Variants in CACUL1 observed in about 807,000 individuals in gnomAD.
CACUL1 encodes the protein CDK2-associated and cullin domain-containing protein 1.
CACUL1 carries 13 observed loss-of-function variants against 45.2 expected under a neutral mutation model. The observed-to-expected ratio is 0.29, with a 90% CI of 0.19 to 0.46. CACUL1 has a LOEUF of 0.46. CACUL1 is among the 20% of genes least tolerant of loss of function. CACUL1 has a pLI of 1.00. For synonymous variants in CACUL1, 197 were observed against 174.2 expected (o/e 1.13, Z -1.03); for missense variants, 421 against 471.4 (o/e 0.89, Z 0.99).
At chr10:118,726,378 C>G in intron 3 of CACUL1, 2 of 1,242,104 alleles carry the variant, frequency 1.6e-6, no homozygotes, top group Non-Finnish European at 2.1e-6. Context: ...AGCCAGAACA[C>G]ATCTGCTGAG....
At chr10:118,722,320 T>G (rs1288053991) in intron 3 of CACUL1, among the ~76,000 whole-genome samples, 1 of 152,020 alleles carries the variant, frequency 6.6e-6, no homozygotes, top group Non-Finnish European at 1.5e-5. Flanking sequence ...TCTCCCGACC[T>G]CAGGTGATCT....
rs1845378959 is a variant in CACUL1, at chr10:118,701,400, A to G, written c.702T>C (p.Phe234=). The change falls in exon 5 of 9, where the codon TTT becomes TTC. Residue 234 remains phenylalanine, a synonymous_variant. Transcript: ENST00000369151. Reference sequence around the variant, plus strand: ...CTCTGTTAAGCTTGGTTTCGATGTAAAACTTATTCTGAAAAATAAAATAAA... The same window carrying G: ...CTCTGTTAAGCTTGGTTTCGATGTAGAACTTATTCTGAAAAATAAAATAAA... The part of the protein sequence containing the change: ...IVPLFIYMNK[F]YIETKLNRDL... The G allele has an allele frequency of 6.5e-7, 1 of 1,532,512 alleles. No homozygotes were observed. The highest frequency in any genetic ancestry group is 1.2e-5 in the South Asian group (1 of 81,472). The allele number at this position is 1,532,512 out of a possible 1,614,324, so 94.9% of individuals were successfully genotyped here.
At position 118,724,376 on chromosome 10, in the gene CACUL1, A is replaced by AT. The variant is rs3215812; in HGVS notation, c.597+4918dup. Among the ~76,000 whole-genome samples, 790 of 152,130 alleles carry AT rather than the reference A, an allele frequency of 5.2e-3. 7 individuals carry two copies. In the East Asian group the frequency reaches 0.059, roughly 11 times the overall value. On this transcript the variant is annotated intron_variant, in intron 3 of 8. Coordinates refer to ENST00000369151, the MANE Select transcript of CACUL1 (RefSeq NM_153810.5). Reference sequence around the variant, plus strand: ...TTCACTTTGTTAGTCCTGTGGTCTGATTTTTGTAATTGCTCTCAGCAGGGG... The same window carrying AT: ...TTCACTTTGTTAGTCCTGTGGTCTGATTTTTTGTAATTGCTCTCAGCAGGGG...
intron 1 of CACUL1, among the ~76,000 whole-genome samples, chr10:118,736,702 A>C (rs992229513): frequency 2.0e-5 from 3 of 152,152 alleles, no homozygotes; most frequent in African/African-American, 7.2e-5. Context: ...TAAAGTCTAG[A>C]GCAATATACA....
intron 3 of CACUL1, among the ~76,000 whole-genome samples, chr10:118,720,137 ACTTC>A (rs1404586416): frequency 3.9e-5 from 6 of 152,200 alleles, no homozygotes; most frequent in African/African-American, 1.4e-4. Context: ...CTAAAATAAG[ACTTC>A]CTTAATTTTC....
In CACUL1 at chr10:118,685,973, A is replaced by T; in HGVS notation, c.*155T>A. On this transcript the variant is annotated 3_prime_UTR_variant, in exon 9 of 9. Coordinates refer to ENST00000369151, the MANE Select transcript of CACUL1 (RefSeq NM_153810.5). ...TTTTTTTTTTTAGTTTTTGTTTTAA[A>T]ATTACAAACCAAGTAAGAAGTCCAA... 2.1e-6 allele frequency: 1 copy of T among 468,838 alleles called. No homozygotes were observed. Among genetic ancestry groups the T allele is most frequent in the Non-Finnish European group, 3.8e-6 (1 of 261,706 alleles). 29.0% of individuals were successfully genotyped at this position (468,838 alleles called of 1,614,324 possible).
intron 3 of CACUL1, among the ~76,000 whole-genome samples, chr10:118,714,413 C>A (rs1845521794): frequency 6.6e-6 from 1 of 152,172 alleles, no homozygotes; most frequent in African/African-American, 2.4e-5. Flanking sequence ...CATCAGAAAT[C>A]TTTTTAAGTA....
At chr10:118,746,151 C>CAAAAAAAAAAAAAAAAAA (rs376453440) in intron 1 of CACUL1, among the ~76,000 whole-genome samples, 1 of 91,284 alleles carries the variant, frequency 1.1e-5, no homozygotes. Context: ...GACACTGTCT[C>CAAAAAAAAAAAAAAAAAA]AAAAAAAAAA....
intron 3 of CACUL1, among the ~76,000 whole-genome samples, chr10:118,719,477 A>G (rs1845580616): frequency 6.6e-6 from 1 of 152,032 alleles, no homozygotes; most frequent in South Asian, 2.1e-4. Context: ...TAGAAGCAAC[A>G]CCCATTACAC....
At chr10:118,692,745 T>A (rs1845284449) in intron 6 of CACUL1, 1 of 152,210 alleles carries the variant, frequency 6.6e-6, no homozygotes, top group South Asian at 2.1e-4. Context: ...TCTGAGTAAA[T>A]GATTATAAAT....
In CACUL1 at chr10:118,678,198, T is replaced by C. The variant is rs1281498034; in HGVS notation, c.*7930A>G. On this transcript the variant is annotated 3_prime_UTR_variant, in exon 9 of 9. Transcript: ENST00000369151. ...TGCTGATTTGCATTCAGGTGCTCTT[T>C]AGCAGTTATATTATGAATATTTGTA... 6.6e-6 allele frequency: 1 copy of C among 152,230 alleles called. No homozygotes were observed. The allele number at this position is 152,230 out of a possible 1,614,324, so 9.4% of individuals were successfully genotyped here. A position where few individuals can be genotyped will look rare whatever the true frequency, so the allele number is the denominator to read the frequency against.
intron 3 of CACUL1, among the ~76,000 whole-genome samples, chr10:118,713,131 G>A (rs904525393): frequency 1.2e-4 from 18 of 152,186 alleles, no homozygotes; most frequent in African/African-American, 2.9e-4. Flanking sequence ...GGAGGGGGCC[G>A]AGGCAGCAGA....
rs553673259 is a variant in CACUL1 at position 118,754,429 on chromosome 10, T to C, written c.334A>G (p.Thr112Ala). ...KAAPAPTASS[T>A]ININTSTSKF... Reference sequence around the variant, plus strand: ...GAGGTGGAGGTGTTGATGTTGATGGTGGAGCTGGCGGTGGGGGCGGGGGCC... The same window carrying C: ...GAGGTGGAGGTGTTGATGTTGATGGCGGAGCTGGCGGTGGGGGCGGGGGCC... The change falls in exon 1 of 9, where the codon ACC becomes GCC. Residue 112 changes from threonine to alanine, a missense_variant. Physicochemically the swap from Thr to Ala is moderately conservative, Grantham distance 58. This residue lies in a region of CACUL1 where 213 missense variants were observed against 173.1 expected (regional missense o/e 1.23). Coordinates refer to ENST00000369151, the MANE Select transcript of CACUL1 (RefSeq NM_153810.5). The C allele has an allele frequency of 4.6e-5, 74 of 1,597,262 alleles. No individual in the cohort carries two copies. In the South Asian group the frequency reaches 8.1e-4, roughly 17 times the overall value.
chr10:118,688,624 G>A (rs1047705278), intron 7 of CACUL1, among the ~76,000 whole-genome samples: 3 of 152,202 alleles, frequency 2.0e-5, no homozygotes, highest in South Asian at 2.1e-4. Flanking sequence ...AAATTTCGGC[G>A]TCACCTGCTC....
chr10:118,735,378 T>C (rs570858793), intron 1 of CACUL1, among the ~76,000 whole-genome samples: 9 of 152,318 alleles, frequency 5.9e-5, no homozygotes, highest in Admixed American at 2.0e-4. Context: ...TTTCTATCAG[T>C]GCCTCAAAAG....
chr10:118,715,497 G>A (rs1206881123), intron 3 of CACUL1, among the ~76,000 whole-genome samples: 1 of 152,170 alleles, frequency 6.6e-6, no homozygotes, highest in African/African-American at 2.4e-5. Context: ...GTGGTGATGG[G>A]AATGTTCTAA....
rs1024275596 is a variant in CACUL1 at position 118,680,295 on chromosome 10, T to C, written c.*5833A>G. On this transcript the variant is annotated 3_prime_UTR_variant, in exon 9 of 9. Coordinates refer to ENST00000369151, the MANE Select transcript of CACUL1 (RefSeq NM_153810.5). ...GTTTGTACTTAGTAAAAAACAAACCTGCTAAAAGGGAAAGAGTTTAAATGA... is the reference window on the plus strand; with the variant it reads ...GTTTGTACTTAGTAAAAAACAAACCCGCTAAAAGGGAAAGAGTTTAAATGA... 6.6e-6 allele frequency: 1 copy of C among 152,084 alleles called. No individual in the cohort carries two copies. The highest frequency in any genetic ancestry group is 2.4e-5 in the African/African-American group (1 of 41,378). The allele number at this position is 152,084 out of a possible 1,614,324, so 9.4% of individuals were successfully genotyped here.
At chr10:118,713,244 G>A (rs1052987952) in intron 3 of CACUL1, among the ~76,000 whole-genome samples, 5 of 152,214 alleles carry the variant, frequency 3.3e-5, no homozygotes, top group African/African-American at 9.6e-5. Context: ...AGTCAGTGCC[G>A]ACAACTTGGA....
chr10:118,739,447 T>G (rs1845771807), intron 1 of CACUL1, among the ~76,000 whole-genome samples: 1 of 152,196 alleles, frequency 6.6e-6, no homozygotes, highest in Non-Finnish European at 1.5e-5. Context: ...ACCTGACTTC[T>G]CCATTTTAAT....
Sources: allele counts gnomAD v4.1 joint callset (sites outside exome capture counted in the v4.1 genomes callset), GRCh38; gene constraint gnomAD v4.1.1; regional missense constraint gnomAD v4.1.1; transcripts MANE v1.5; gene names NCBI Gene and HGNC (gene_info 2026-07-23, HGNC 2026-07-21).